FRMD4B: variants seen among roughly 807,000 people sequenced by gnomAD.
The protein encoded by FRMD4B is FERM domain containing 4B.
A neutral mutation model predicts 141.5 loss-of-function variants in FRMD4B; 74 were observed. The ratio of observed to expected loss-of-function variants is 0.52; its 90% confidence interval spans 0.43 to 0.63. FRMD4B has a LOEUF of 0.63. FRMD4B is among the 30% of genes least tolerant of loss of function. The pLI, the probability that FRMD4B is intolerant of heterozygous loss-of-function variation, is 0.00. For synonymous variants in FRMD4B, 506 were observed against 467.9 expected (o/e 1.08, Z -1.05); for missense variants, 1,366 against 1,253.4 (o/e 1.09, Z -1.36).
At chr3:69,343,262 G>C (rs1702802512) in intron 1 of FRMD4B, among the ~76,000 whole-genome samples, 2 of 152,176 alleles carry the variant, frequency 1.3e-5, no homozygotes, top group Admixed American at 1.3e-4. Flanking sequence ...TGAAAAGGTA[G>C]TTTTAATTAC....
At chr3:69,212,381 G>GAAAAAAAAAAAAAAAAAAAAAAA (rs61444871) in intron 11 of FRMD4B, among the ~76,000 whole-genome samples, 1 of 95,598 alleles carries the variant, frequency 1.0e-5, no homozygotes, top group Non-Finnish European at 1.9e-5. Context: ...AAAAAAAAAA[G>GAAAAAAAAAAAAAAAAAAAAAAA]AAAAAAAAAA....
chr3:69,503,335 C>G, intron 1 of FRMD4B, among the ~76,000 whole-genome samples: 1 of 151,958 alleles, frequency 6.6e-6, no homozygotes, highest in African/African-American at 2.4e-5. Flanking sequence ...CACATATATA[C>G]CATGGAATAC....
chr3:69,198,775 C>T lies in FRMD4B; in HGVS notation c.877-1G>A. The T allele has an allele frequency of 6.8e-7, 1 of 1,468,138 alleles. No homozygotes were observed. Among genetic ancestry groups the T allele is most frequent in the Non-Finnish European group, 9.4e-7 (1 of 1,064,558 alleles). 90.9% of individuals were successfully genotyped at this position (1,468,138 alleles called of 1,614,324 possible). On this transcript the variant is annotated splice_acceptor_variant, in intron 11 of 22. Coordinates refer to ENST00000398540, the MANE Select transcript of FRMD4B (RefSeq NM_015123.3). LOFTEE classifies it high-confidence loss of function. ...TCTCCAGCTGTTTCCATTGGAATAA[C>T]TAAAGAAAACAGAAAAGCCAGGAAG...
chr3:69,490,105 G>T (rs79526381), intron 1 of FRMD4B, among the ~76,000 whole-genome samples: 16,134 of 152,136 alleles, frequency 0.11, 945 homozygotes, highest in South Asian at 0.19. Context: ...TGGGTATGGG[G>T]TTTCTTTTTG....
chr3:69,187,738 G>T, intron 19 of FRMD4B, 32 bp downstream of exon 19: 1 of 1,585,774 alleles, frequency 6.3e-7, no homozygotes, highest in Non-Finnish European at 8.6e-7. Context: ...TAGCTGTGGG[G>T]CATTAACCTT....
Position 69,379,706 on chromosome 3 carries a change from T to C in FRMD4B, c.162+6122A>G, listed in dbSNP as rs146503867. On this transcript the variant is annotated intron_variant, in intron 1 of 22. Coordinates refer to ENST00000398540, the MANE Select transcript of FRMD4B (RefSeq NM_015123.3). Reference sequence around the variant, plus strand: ...TTTCTTGTCTGGGGATTGGCAAACTTTTTCTGTAAAGGGCTGGATAGTAAA... The same window carrying C: ...TTTCTTGTCTGGGGATTGGCAAACTCTTTCTGTAAAGGGCTGGATAGTAAA... Among the ~76,000 whole-genome samples the C allele has an allele frequency of 7.3e-3, 1,117 of 152,304 alleles. 19 individuals are homozygous for C. Among genetic ancestry groups the C allele is most frequent in the African/African-American group, 0.025 (1,024 of 41,558 alleles).
chr3:69,347,347 C>G (rs1186719041), intron 1 of FRMD4B, among the ~76,000 whole-genome samples: 1 of 152,124 alleles, frequency 6.6e-6, no homozygotes, highest in African/African-American at 2.4e-5. Flanking sequence ...CCTTAGAGAC[C>G]TAGAAAGAGA....
chr3:69,399,613 G>A (rs2106747560), intron 2 of FRMD4B, among the ~76,000 whole-genome samples: 1 of 152,236 alleles, frequency 6.6e-6, no homozygotes, highest in Non-Finnish European at 1.5e-5. Flanking sequence ...CTTCTTTTGG[G>A]TTCTAATGCT....
chr3:69,217,358 T>C (rs902965437), intron 10 of FRMD4B, among the ~76,000 whole-genome samples: 2 of 152,096 alleles, frequency 1.3e-5, no homozygotes, highest in Admixed American at 6.6e-5. Context: ...TGGTGGTTCA[T>C]GCCTGTAATC....
intron 4 of FRMD4B, among the ~76,000 whole-genome samples, chr3:69,293,213 T>C (rs1262244965): frequency 6.6e-6 from 1 of 152,140 alleles, no homozygotes; most frequent in African/African-American, 2.4e-5. Flanking sequence ...TGTTTGGAAG[T>C]GGCTGTCCTT....
chr3:69,459,637 C>A (rs766706038), intron 1 of FRMD4B, among the ~76,000 whole-genome samples: 1 of 152,196 alleles, frequency 6.6e-6, no homozygotes, highest in Non-Finnish European at 1.5e-5. Context: ...CACCATTAGC[C>A]ATGTGACCTT....
At position 69,212,130 on chromosome 3, in the gene FRMD4B, C is replaced by A. The variant is rs9879588; in HGVS notation, c.876+4133G>T. 6.0e-3 allele frequency among the ~76,000 whole-genome samples: 902 copies of A among 150,792 alleles called. 6 individuals are homozygous for A. The highest frequency in any genetic ancestry group is 0.021 in the African/African-American group (864 of 41,148). On this transcript the variant is annotated intron_variant, in intron 11 of 22. Coordinates refer to ENST00000398540, the MANE Select transcript of FRMD4B (RefSeq NM_015123.3). ...TCCCAGCACTTTGGGAGGCCCGAGGCAGGTGGATTGCCTGAGGTCAGGAGT... is the reference window on the plus strand; with the variant it reads ...TCCCAGCACTTTGGGAGGCCCGAGGAAGGTGGATTGCCTGAGGTCAGGAGT...
intron 1 of FRMD4B, among the ~76,000 whole-genome samples, chr3:69,340,875 T>C (rs145941826): frequency 1.3e-5 from 2 of 152,260 alleles, no homozygotes; most frequent in Non-Finnish European, 2.9e-5. Flanking sequence ...AACCACTCTA[T>C]GCTCAGCTTA....
At chr3:69,500,540 G>C (rs1451542245) in intron 1 of FRMD4B, among the ~76,000 whole-genome samples, 1 of 152,236 alleles carries the variant, frequency 6.6e-6, no homozygotes, top group African/African-American at 2.4e-5. Context: ...CAGAGGTGTA[G>C]GATGGGCCAA....
Position 69,210,110 on chromosome 3 carries a change from C to T in FRMD4B, c.876+6153G>A, listed in dbSNP as rs544453836. Reference sequence around the variant, plus strand: ...AAACAGAAAGCTAAGAGACTTTTCCCACCTTCACATGCCCTGTGGTGATGA... The same window carrying T: ...AAACAGAAAGCTAAGAGACTTTTCCTACCTTCACATGCCCTGTGGTGATGA... On this transcript the variant is annotated intron_variant, in intron 11 of 22. Transcript: ENST00000398540. Among the ~76,000 whole-genome samples the T allele has an allele frequency of 3.3e-5, 5 of 152,300 alleles. No homozygotes were observed. In the South Asian group the frequency reaches 8.3e-4, roughly 25 times the overall value.
chr3:69,494,976 G>A (rs1706361302), intron 1 of FRMD4B, among the ~76,000 whole-genome samples: 1 of 151,270 alleles, frequency 6.6e-6, no homozygotes, highest in South Asian at 2.1e-4. Flanking sequence ...AGGAAAGGAA[G>A]GAGAGGGGAA....
At chr3:69,243,416 C>G (rs2093402086) in intron 7 of FRMD4B, among the ~76,000 whole-genome samples, 1 of 152,110 alleles carries the variant, frequency 6.6e-6, no homozygotes, top group South Asian at 2.1e-4. Flanking sequence ...TGAGCAGATA[C>G]TAAGGAGTAT....
At chr3:69,189,106 C>T (rs1336695046) in intron 18 of FRMD4B, among the ~76,000 whole-genome samples, 3 of 151,412 alleles carry the variant, frequency 2.0e-5, no homozygotes. Flanking sequence ...CCTGTAATCC[C>T]AGCTACTCGG....
rs183731448 is a variant in FRMD4B, at chr3:69,509,300, T to C, written c.-129+32906A>G. ...ACTCTACGTCTTCACTTGAGGCCAG[T>C]TGAACGGGCAAGTCTGTTGCCAAAT... On this transcript the variant is annotated intron_variant, in intron 1 of 5. Transcript: ENST00000459638. 9.4e-4 allele frequency among the ~76,000 whole-genome samples: 143 copies of C among 152,332 alleles called. 1 individual carries two copies. Among genetic ancestry groups the C allele is most frequent in the Admixed American group, 6.7e-3 (103 of 15,306 alleles).
Sources: gnomAD v4.1 joint callset for allele counts (sites outside exome capture counted in the v4.1 genomes callset) on GRCh38, gnomAD v4.1.1 for gene constraint, MANE v1.5 for transcripts, NCBI Gene and HGNC (gene_info 2026-07-23, HGNC 2026-07-21) for gene names.